Variants in TAF4 observed in about 807,000 individuals in gnomAD.
The protein encoded by TAF4 is TATA-box binding protein associated factor 4.
TAF4 carries 9 observed loss-of-function variants against 90.3 expected under a neutral mutation model. The observed-to-expected ratio is 0.10, with a 90% CI of 0.06 to 0.17. The LOEUF (loss-of-function observed/expected upper bound fraction) is 0.17. Among genes scored for constraint, TAF4 ranks in the 10% least tolerant of loss-of-function variants. TAF4 has a pLI of 1.00. For missense variants in TAF4, 1,351 were observed against 1,370.7 expected, an observed-to-expected ratio of 0.99 and a Z score of 0.23; for synonymous variants, 818 against 638.9, an observed-to-expected ratio of 1.28 and a Z score of -4.23.
intron 1 of TAF4, among the ~76,000 whole-genome samples, chr20:62,029,506 A>ACT (rs1158904357): frequency 2.0e-5 from 3 of 151,542 alleles, no homozygotes; most frequent in South Asian, 4.2e-4. Flanking sequence ...ACACACACAC[A>ACT]CTCATACATG....
At chr20:62,026,769 C>A (rs1215531038) in intron 1 of TAF4, among the ~76,000 whole-genome samples, 2 of 152,168 alleles carry the variant, frequency 1.3e-5, no homozygotes, top group African/African-American at 4.8e-5. Flanking sequence ...CGGCTTGCTG[C>A]CGCCCCGTGA....
intron 12 of TAF4, 28 bp from the exon 13 acceptor site, chr20:61,998,220 AG>A: frequency 6.2e-7 from 1 of 1,607,580 alleles, no homozygotes; most frequent in Non-Finnish European, 8.5e-7. Flanking sequence ...AGAAAAGAAA[AG>A]TAAGTTATGA....
chr20:62,005,076 T>C (rs968185450), intron 7 of TAF4: 1 of 152,370 alleles, frequency 6.6e-6, no homozygotes, highest in Admixed American at 6.5e-5. Context: ...GGAAGCGGCC[T>C]ATAATGCAAA....
At position 61,991,838 on chromosome 20, in the gene TAF4, G is replaced by A. The variant is rs146015497; in HGVS notation, c.3090+5712C>T. Among the ~76,000 whole-genome samples the A allele has an allele frequency of 1.4e-3, 220 of 152,212 alleles. 6 individuals are homozygous for A. In the East Asian group the frequency reaches 0.031, roughly 22 times the overall value. ...ACCCCAGCACAACCAAGCCCAGCAC[G>A]CACTCCAGTGGGATGAGCCGGCTTC... On this transcript the variant is annotated intron_variant, in intron 14 of 14. Coordinates refer to ENST00000252996, the MANE Select transcript of TAF4 (RefSeq NM_003185.4).
chr20:62,000,768 C>T (rs774219840), intron 9 of TAF4, 47 bp from the exon 10 acceptor site: 5 of 1,604,472 alleles, frequency 3.1e-6, no homozygotes, highest in Middle Eastern at 3.3e-4. Context: ...AGGAATTCAT[C>T]GGGAGGTGGG....
rs371579161 is a variant in TAF4, at chr20:62,000,610, G to C, written c.2598C>G (p.Ser866=). 2.5e-6 allele frequency: 4 copies of C among 1,614,260 alleles called. No homozygotes were observed. The highest frequency in any genetic ancestry group is 2.2e-5 in the South Asian group (2 of 91,092). ...NSELVGTLTR[S]CKDETFLLQA... is the part of the protein sequence containing the mutation. The stretch of plus-strand genomic sequence containing the variant: ...GGAGGAGGAAGGTTTCATCTTTACA[G>C]GACCGCGTTAGCGTGCCCACCAATT... The change falls in exon 10 of 15, where the codon TCC becomes TCG. Residue 866 remains serine (S), a synonymous_variant. Transcript: ENST00000252996.
At chr20:61,986,638 C>T (rs1333260711) in intron 14 of TAF4, among the ~76,000 whole-genome samples, 3 of 152,252 alleles carry the variant, frequency 2.0e-5, no homozygotes, top group Non-Finnish European at 4.4e-5. Context: ...TCACCAAATC[C>T]TCTTGTCGTG....
chr20:62,049,238 G>A (rs1164763209), intron 1 of TAF4, among the ~76,000 whole-genome samples: 1 of 152,098 alleles, frequency 6.6e-6, no homozygotes, highest in Non-Finnish European at 1.5e-5. Flanking sequence ...CCGAGACCCT[G>A]CAAGCGGGGT....
intron 1 of TAF4, among the ~76,000 whole-genome samples, chr20:62,030,212 C>T (rs900061635): frequency 2.0e-5 from 3 of 152,230 alleles, no homozygotes; most frequent in African/African-American, 4.8e-5. Flanking sequence ...CCAACGAGCC[C>T]GCCAGGAAAC....
intron 14 of TAF4, among the ~76,000 whole-genome samples, chr20:61,977,076 C>A (rs1600820937): frequency 1.3e-5 from 2 of 150,300 alleles, no homozygotes; most frequent in African/African-American, 4.9e-5. Flanking sequence ...GGGGCACACG[C>A]CACACACACG....
rs1005739774 is a variant in TAF4 at position 62,010,484 on chromosome 20, C to A, written c.1642-319G>T. ...TCCATGGAAAAAGTCACATAGAGAC[C>A]AGAGTAAATAATCCTAACAGGCAAC... On this transcript the variant is annotated intron_variant, in intron 3 of 14. Transcript: ENST00000252996. This position sits in a 1 kb window ranked among gnomAD's most constrained non-coding sequence, Gnocchi z 4.5. 1.3e-5 allele frequency among the ~76,000 whole-genome samples: 2 copies of A among 152,058 alleles called. No homozygotes were observed. Among genetic ancestry groups the A allele is most frequent in the African/African-American group, 4.8e-5 (2 of 41,382 alleles).
chr20:61,986,618 T>A (rs2055594148), intron 14 of TAF4, among the ~76,000 whole-genome samples: 1 of 152,254 alleles, frequency 6.6e-6, no homozygotes, highest in Non-Finnish European at 1.5e-5. Flanking sequence ...CATTCTGTGG[T>A]GTCATAAAGT....
At chr20:62,001,679 G>A (rs935992011) in intron 9 of TAF4, among the ~76,000 whole-genome samples, 6 of 152,190 alleles carry the variant, frequency 3.9e-5, no homozygotes, top group Admixed American at 6.5e-5. Context: ...TGGTGGTCAC[G>A]GGCTGTGGCT....
chr20:62,051,624 G>A (rs2056028127), intron 1 of TAF4, among the ~76,000 whole-genome samples: 1 of 151,918 alleles, frequency 6.6e-6, no homozygotes, highest in African/African-American at 2.4e-5. Context: ...ATCCACAGAG[G>A]CCACCCTCCC....
chr20:62,059,892 T>C (rs978739999), intron 1 of TAF4, among the ~76,000 whole-genome samples: 1 of 152,224 alleles, frequency 6.6e-6, no homozygotes, highest in African/African-American at 2.4e-5. Context: ...TCAACTCACT[T>C]ACAACCAACA....
At chr20:62,000,069 CAG>C (rs2055689413) in intron 11 of TAF4, 53 bp downstream of exon 11, 5 of 1,613,598 alleles carry the variant, frequency 3.1e-6, no homozygotes, top group Non-Finnish European at 3.4e-6. Context: ...TCCCAGCCAG[CAG>C]AGAGTGGGGG....
chr20:62,063,288 T>C (rs1600868562), intron 1 of TAF4, among the ~76,000 whole-genome samples: 1 of 152,168 alleles, frequency 6.6e-6, no homozygotes, highest in East Asian at 1.9e-4. Context: ...TGCAACCCTG[T>C]CAAAGTGACC....
chr20:61,985,902 C>G (rs112705837), intron 14 of TAF4, among the ~76,000 whole-genome samples: 18 of 112,486 alleles, frequency 1.6e-4, no homozygotes, highest in Admixed American at 2.6e-4. Context: ...ACCAAAGGAA[C>G]CACCATCCCC....
rs771349625 is a variant in TAF4, at chr20:62,006,596, C to T, written c.2137G>A (p.Val713Met). 1.0e-5 allele frequency: 16 copies of T among 1,598,042 alleles called. No individual in the cohort carries two copies. In the East Asian group the frequency reaches 1.1e-4, roughly 11 times the overall value. ...QRTAGKTAAT[V>M]TSALQPPVLS... ...ACAGGGGGCTGGAGGGCACTGGTCA[C>T]GGTGGCCGCCGTCTTCCCGGCCGTG... Residue 713 changes from valine (V) to methionine (M), a missense_variant, in exon 7 of 15, where the codon GTG becomes ATG. Val to Met is a conservative substitution (Grantham distance 21, BLOSUM62 1). This residue lies in a region of TAF4 where 202 missense variants were observed against 229.7 expected (regional missense o/e 0.88). Transcript: ENST00000252996. This position sits in a 1 kb window ranked among gnomAD's most constrained non-coding sequence, Gnocchi z 7.0.
Sources: allele counts gnomAD v4.1 joint callset (sites outside exome capture counted in the v4.1 genomes callset), GRCh38; gene constraint gnomAD v4.1.1; regional missense constraint gnomAD v4.1.1; non-coding constraint Gnocchi (gnomAD v3.1); transcripts MANE v1.5; gene names NCBI Gene and HGNC (gene_info 2026-07-23, HGNC 2026-07-21).